The following PDE8A variants were observed in gnomAD, a reference collection of about 807,000 sequenced individuals.
PDE8A encodes phosphodiesterase 8A, also known as high affinity cAMP-specific and IBMX-insensitive 3',5'-cyclic phosphodiesterase 8A.
Under a neutral mutation model 105.0 loss-of-function variants are expected in PDE8A, and 59 were observed. The observed-to-expected ratio is 0.56, with a 90% CI of 0.46 to 0.70. PDE8A has a LOEUF of 0.70. Ranked by LOEUF, PDE8A falls within the 30% of genes least tolerant of loss-of-function variation. The pLI, the probability that PDE8A is intolerant of heterozygous loss-of-function variation, is 0.00. For missense variants in PDE8A, 1,014 were observed against 1,045.9 expected (o/e 0.97, Z 0.42); for synonymous variants, 355 against 371.9 (o/e 0.95, Z 0.52).
rs543297251 is a variant in PDE8A at position 85,088,087 on chromosome 15, C to T, written c.636-1251C>T. 3.8e-4 allele frequency among the ~76,000 whole-genome samples: 58 copies of T among 152,288 alleles called. 1 individual carries two copies. Among genetic ancestry groups the T allele is most frequent in the Middle Eastern group, 6.8e-3 (2 of 294 alleles). ...AGGCTGTAGTGCAGTGATGCAATCT[C>T]GGCTCACTGCAACCTCTGCTTCCTG... On this transcript the variant is annotated intron_variant, in intron 6 of 21. Coordinates refer to ENST00000394553, the MANE Select transcript of PDE8A (RefSeq NM_002605.3).
intron 1 of PDE8A, among the ~76,000 whole-genome samples, chr15:84,991,817 G>A (rs540359735): frequency 6.6e-6 from 1 of 152,250 alleles, no homozygotes; most frequent in South Asian, 2.1e-4. Flanking sequence ...GAAAGAAGAA[G>A]CCATCAAAAA....
At chr15:85,081,858 GT>G (rs2081472109) in intron 5 of PDE8A, among the ~76,000 whole-genome samples, 1 of 152,092 alleles carries the variant, frequency 6.6e-6, no homozygotes, top group Admixed American at 6.6e-5. Flanking sequence ...AAAAAGTTTG[GT>G]GGATACATAA....
rs769376752 is a variant in PDE8A, at chr15:85,067,186, A to C, written c.416A>C (p.Asp139Ala). ...IIDHRNPRQL[D>A]AEALCRSIRS... ...GACCACAGAAATCCTCGACAGCTGG[A>C]TGCAGAGGCACTGTGCAGGTAAGCC... Residue 139 changes from aspartate (D) to alanine (A), a missense_variant, in exon 3 of 22, where the codon GAT becomes GCT. Asp to Ala is a moderately radical substitution (Grantham distance 126). Transcript: ENST00000394553. 2 of 1,613,762 alleles carry C rather than the reference A, an allele frequency of 1.2e-6. No homozygotes were observed. The highest frequency in any genetic ancestry group is 3.3e-5 in the Admixed American group (2 of 59,992).
chr15:85,083,102 G>A (rs978326902), intron 5 of PDE8A, among the ~76,000 whole-genome samples: 4 of 152,180 alleles, frequency 2.6e-5, no homozygotes, highest in African/African-American at 4.8e-5. Flanking sequence ...AAATACAGGC[G>A]CAAATAGAAA....
chr15:85,136,384 C>G (rs1307438512), intron 20 of PDE8A, 150 bp from the exon 21 acceptor site: 2 of 721,708 alleles, frequency 2.8e-6, no homozygotes, highest in Admixed American at 2.4e-5. Flanking sequence ...TGTTATGAGA[C>G]ATGGTTTGGC....
At position 85,116,065 on chromosome 15, in the gene PDE8A, A is replaced by G. The variant is rs761037225; in HGVS notation, c.1481A>G (p.Asn494Ser). The G allele has an allele frequency of 1.9e-6, 3 of 1,613,950 alleles. No homozygotes were observed. The African/African-American group carries it at 4.0e-5, about 22-fold the overall frequency. ...VPPRIARAME[N>S]EEYWDFDIFE... ...CCACGGATAGCTCGGGCCATGGAAA[A>G]TGAGGAATACTGGGACTTTGATATT... The change falls in exon 16 of 22, where the codon AAT (asparagine) becomes AGT (serine). Residue 494 changes from asparagine to serine, a missense_variant. Coordinates refer to ENST00000394553, the MANE Select transcript of PDE8A (RefSeq NM_002605.3).
intron 15 of PDE8A, 105 bp from the exon 16 acceptor site, chr15:85,115,879 C>G: frequency 2.9e-6 from 3 of 1,026,066 alleles, no homozygotes; most frequent in Non-Finnish European, 4.3e-6. Context: ...GAGACTGTAC[C>G]ACAACACTCC....
intron 1 of PDE8A, among the ~76,000 whole-genome samples, chr15:85,006,270 A>T (rs1173948532): frequency 2.0e-5 from 3 of 151,978 alleles, no homozygotes; most frequent in Admixed American, 6.6e-5. Flanking sequence ...TTATTATTAT[A>T]ATAATAATAA....
intron 1 of PDE8A, among the ~76,000 whole-genome samples, chr15:85,055,624 G>A (rs764562582): frequency 1.3e-5 from 2 of 152,108 alleles, no homozygotes; most frequent in Non-Finnish European, 2.9e-5. Flanking sequence ...CAGAGACTAG[G>A]ATTGCAACCC....
At chr15:85,094,464 G>A (rs1013534013) in intron 8 of PDE8A, among the ~76,000 whole-genome samples, 4 of 152,084 alleles carry the variant, frequency 2.6e-5, no homozygotes, top group Non-Finnish European at 5.9e-5. Flanking sequence ...TATCTTTTCT[G>A]CTCTGTGTAG....
intron 1 of PDE8A, among the ~76,000 whole-genome samples, chr15:85,055,374 T>C (rs538309342): frequency 6.6e-6 from 1 of 152,322 alleles, no homozygotes; most frequent in East Asian, 1.9e-4. Context: ...TTGTTAACTT[T>C]CTGTCTTGTT....
intron 1 of PDE8A, among the ~76,000 whole-genome samples, chr15:85,023,760 A>T (rs2080467520): frequency 6.6e-6 from 1 of 152,128 alleles, no homozygotes; most frequent in Non-Finnish European, 1.5e-5. Context: ...TGGGTTATTT[A>T]TGTGGACATT....
At chr15:85,110,728 C>T (rs745824727) in intron 12 of PDE8A, among the ~76,000 whole-genome samples, 1 of 152,176 alleles carries the variant, frequency 6.6e-6, no homozygotes, top group Non-Finnish European at 1.5e-5. Flanking sequence ...ATAAGAATGC[C>T]ATGAACATTT....
At chr15:85,092,516 C>T (rs546166479) in intron 8 of PDE8A, among the ~76,000 whole-genome samples, 5 of 152,092 alleles carry the variant, frequency 3.3e-5, no homozygotes, top group African/African-American at 7.2e-5. Flanking sequence ...AGCAGTCATC[C>T]GAGACCACAG....
chr15:85,012,741 A>G (rs192623178), intron 1 of PDE8A, among the ~76,000 whole-genome samples: 1 of 152,166 alleles, frequency 6.6e-6, no homozygotes, highest in African/African-American at 2.4e-5. Context: ...TGGTTTTAAC[A>G]TACAGTATTG....
At position 85,091,106 on chromosome 15, in the gene PDE8A, G is replaced by A; in HGVS notation, c.777G>A (p.Glu259=). The change falls in exon 8 of 22, where the codon GAG becomes GAA. Residue 259 remains glutamate, a synonymous_variant. Transcript: ENST00000394553. The part of the protein sequence containing the change: ...GYQSGELIGK[E]LGEVPINEKK... ...AGTCAGGTGAATTAATAGGGAAGGA[G>A]TTAGGAGAAGTGCCTATAAATGAAA... 3 of 1,612,834 alleles carry A rather than the reference G, an allele frequency of 1.9e-6. No homozygotes were observed. The highest frequency in any genetic ancestry group is 1.3e-5 in the African/African-American group (1 of 75,034).
At chr15:85,115,390 A>T in intron 14 of PDE8A, 49 bp from the exon 15 acceptor site, 1 of 1,284,336 alleles carries the variant, frequency 7.8e-7, no homozygotes, top group Non-Finnish European at 1.1e-6. Flanking sequence ...TCCAGGAAGG[A>T]AAGAATAGTT....
At chr15:85,123,542 T>C (rs2082215806) in intron 19 of PDE8A, among the ~76,000 whole-genome samples, 1 of 152,152 alleles carries the variant, frequency 6.6e-6, no homozygotes, top group Admixed American at 6.5e-5. Flanking sequence ...GGGAGAAATG[T>C]AGGCTGGGAG....
At chr15:85,057,264 C>T (rs1431662921) in intron 1 of PDE8A, among the ~76,000 whole-genome samples, 2 of 152,166 alleles carry the variant, frequency 1.3e-5, no homozygotes, top group East Asian at 1.9e-4. Context: ...GTCAGGGATC[C>T]GCTTGAGGAG....
Sources: gnomAD v4.1 joint callset for allele counts (sites outside exome capture counted in the v4.1 genomes callset) on GRCh38, gnomAD v4.1.1 for gene constraint, MANE v1.5 for transcripts, NCBI Gene and HGNC (gene_info 2026-07-23, HGNC 2026-07-21) for gene names.